Variants in CERS4 observed in about 807,000 individuals in gnomAD.
CERS4 encodes ceramide synthase 4.
CERS4 carries 65 observed loss-of-function variants against 51.8 expected under a neutral mutation model. That is an observed-to-expected ratio of 1.26 (90% CI 1.03 to 1.54). The LOEUF (loss-of-function observed/expected upper bound fraction) is 1.54. Among genes scored for constraint, CERS4 ranks in the 40% most tolerant of loss-of-function variants. CERS4 has a pLI of 0.00. For missense variants in CERS4, 563 were observed against 500.4 expected (o/e 1.13, Z -1.19); for synonymous variants, 228 against 208.4 (o/e 1.09, Z -0.81).
intron 2 of CERS4, among the ~76,000 whole-genome samples, chr19:8,225,849 AC>A (rs199557478): frequency 7.9e-6 from 1 of 126,738 alleles, no homozygotes; most frequent in Non-Finnish European, 1.8e-5. Context: ...CAGCTATGTG[AC>A]CCTGTGTAGG....
At position 8,254,627 on chromosome 19, in the gene CERS4, C is replaced by A; in HGVS notation, c.291+11C>A. 6.3e-7 allele frequency: 1 copy of A among 1,595,418 alleles called. No individual in the cohort carries two copies. Among genetic ancestry groups the A allele is most frequent in the Non-Finnish European group, 8.5e-7 (1 of 1,171,292 alleles). ...CACAGGCCCAAGGAGGTGAGAGCCC[C>A]CCATGCCCTCCGACCCGCACTACTG... On this transcript the variant is annotated intron_variant, in intron 4 of 11. Transcript: ENST00000251363.
At chr19:8,228,849 C>A (rs566628156) in intron 2 of CERS4, among the ~76,000 whole-genome samples, 1 of 151,396 alleles carries the variant, frequency 6.6e-6, no homozygotes, top group Non-Finnish European at 1.5e-5. Flanking sequence ...CATGGTGAAA[C>A]CTTGTCTCTC....
At chr19:8,223,678 CAG>C (rs1967654759) in intron 2 of CERS4, among the ~76,000 whole-genome samples, 1 of 151,398 alleles carries the variant, frequency 6.6e-6, no homozygotes, top group African/African-American at 2.4e-5. Flanking sequence ...CCCAGCTACT[CAG>C]AAAGCTGAGG....
At chr19:8,260,972 A>AC in intron 10 of CERS4, 1 of 150,548 alleles carries the variant, frequency 6.6e-6, no homozygotes. Context: ...AAAAAAAAAA[A>AC]AAAAACAAGA....
intron 2 of CERS4, among the ~76,000 whole-genome samples, chr19:8,219,987 T>TAA (rs3042172): frequency 0.71 from 105,427 of 148,724 alleles, 37,785 homozygotes; most frequent in African/African-American, 0.8. Context: ...TGTTGTCTCT[T>TAA]AAAAAAAAAA....
intron 2 of CERS4, among the ~76,000 whole-genome samples, chr19:8,214,083 C>T (rs930611450): frequency 4.0e-5 from 6 of 151,854 alleles, no homozygotes; most frequent in African/African-American, 9.7e-5. Flanking sequence ...CACACTGAAC[C>T]GCCTGGAGCT....
intron 2 of CERS4, among the ~76,000 whole-genome samples, chr19:8,213,069 T>C (rs1294130378): frequency 1.3e-5 from 2 of 150,426 alleles, no homozygotes; most frequent in East Asian, 4.0e-4. Flanking sequence ...AGACAAGTTC[T>C]GGCTCTGTTG....
At chr19:8,228,875 T>G (rs1967893873) in intron 2 of CERS4, among the ~76,000 whole-genome samples, 1 of 147,394 alleles carries the variant, frequency 6.8e-6, no homozygotes, top group South Asian at 2.2e-4. Context: ...AATACAGAAA[T>G]TAGCTGGGCA....
chr19:8,241,889 A>C (rs1968553894), intron 2 of CERS4, among the ~76,000 whole-genome samples: 1 of 152,244 alleles, frequency 6.6e-6, no homozygotes, highest in African/African-American at 2.4e-5. Flanking sequence ...CCAGGAAGAC[A>C]GAGGATGACA....
chr19:8,250,323 A>G (rs918682450), intron 2 of CERS4, among the ~76,000 whole-genome samples: 5 of 152,152 alleles, frequency 3.3e-5, no homozygotes, highest in African/African-American at 4.8e-5. Flanking sequence ...ACTTCTGGCT[A>G]CCATCTTGGC....
intron 9 of CERS4, 106 bp from the exon 10 acceptor site, chr19:8,257,773 T>C (rs2145329197): frequency 1.2e-6 from 1 of 812,646 alleles, no homozygotes; most frequent in African/African-American, 1.7e-5. Flanking sequence ...AGGTAGTTCC[T>C]GGAAACAAGG....
intron 2 of CERS4, among the ~76,000 whole-genome samples, chr19:8,216,865 C>T (rs1045884947): frequency 2.6e-5 from 4 of 152,090 alleles, no homozygotes; most frequent in Non-Finnish European, 5.9e-5. Context: ...AGGTAACAGG[C>T]AGGTTCTGGA....
chr19:8,262,269 GC>G lies in CERS4; in HGVS notation c.*163del. 1.4e-6 allele frequency: 1 copy of G among 706,624 alleles called. No individual in the cohort carries two copies. Among genetic ancestry groups the G allele is most frequent in the Non-Finnish European group, 2.1e-6 (1 of 485,076 alleles). 43.8% of individuals were successfully genotyped at this position (706,624 alleles called of 1,614,324 possible). ...GATCTGTCTCCAGCCCCTTCCTTCT[GC>G]CCACCCACCCTTCTTCCCTCTGGGC... On this transcript the variant is annotated 3_prime_UTR_variant, in exon 12 of 12. Transcript: ENST00000251363.
intron 2 of CERS4, among the ~76,000 whole-genome samples, chr19:8,249,455 A>C (rs34609991): frequency 0.045 from 6,903 of 152,088 alleles, 209 homozygotes; most frequent in African/African-American, 0.07. Context: ...CTCCATTATC[A>C]GGCAAGCTCA....
At chr19:8,237,708 G>A (rs553263439) in intron 2 of CERS4, among the ~76,000 whole-genome samples, 4 of 151,942 alleles carry the variant, frequency 2.6e-5, no homozygotes, top group East Asian at 3.9e-4. Context: ...AAAATTAGCC[G>A]GGCGTGGTGG....
At chr19:8,260,201 C>T (rs1391511193) in intron 10 of CERS4, among the ~76,000 whole-genome samples, 1 of 151,820 alleles carries the variant, frequency 6.6e-6, no homozygotes, top group Non-Finnish European at 1.5e-5. Flanking sequence ...GCAGCTACAG[C>T]CAGTACTTTT....
At chr19:8,231,750 C>T (rs1039063026) in intron 2 of CERS4, among the ~76,000 whole-genome samples, 1 of 151,212 alleles carries the variant, frequency 6.6e-6, no homozygotes, top group Non-Finnish European at 1.5e-5. Context: ...GACAGGGTTT[C>T]ATCGTGTTAG....
intron 2 of CERS4, among the ~76,000 whole-genome samples, chr19:8,216,791 G>T (rs1967318575): frequency 6.6e-6 from 1 of 152,088 alleles, no homozygotes; most frequent in Non-Finnish European, 1.5e-5. Flanking sequence ...GGTCCTTATG[G>T]CTGCAGCCTG....
Position 8,210,206 on chromosome 19 carries a change from G to C in CERS4, c.-158-500G>C, listed in dbSNP as rs1158707074. On this transcript the variant is annotated intron_variant, in intron 1 of 11. Coordinates refer to ENST00000251363, the MANE Select transcript of CERS4 (RefSeq NM_024552.3). The surrounding 1 kb of genome is among the most constrained non-coding windows in gnomAD (Gnocchi z 4.2). ...GGAACAGCAGGTGCATGGCGTGATC[G>C]GATTGTGTCTTAAGAACATCCCGTA... Among the ~76,000 whole-genome samples the C allele has an allele frequency of 6.6e-6, 1 of 152,174 alleles. No homozygotes were observed. The highest frequency in any genetic ancestry group is 2.4e-5 in the African/African-American group (1 of 41,450).
Sources: gnomAD v4.1 joint callset for allele counts (sites outside exome capture counted in the v4.1 genomes callset) on GRCh38, gnomAD v4.1.1 for gene constraint, Gnocchi (gnomAD v3.1) non-coding constraint, MANE v1.5 for transcripts, NCBI Gene and HGNC (gene_info 2026-07-23, HGNC 2026-07-21) for gene names.